Variants in CTBP2 observed in about 807,000 individuals in gnomAD.
CTBP2 encodes C-terminal-binding protein 2.
In CTBP2, 30 loss-of-function variants were observed where a neutral mutation model predicts 80.3. That is an observed-to-expected ratio of 0.37 (90% confidence interval 0.28 to 0.51). CTBP2 has a LOEUF of 0.51. Among genes scored for constraint, CTBP2 ranks in the 20% least tolerant of loss-of-function variants. The pLI, the probability that CTBP2 is intolerant of heterozygous loss-of-function variation, is 0.93. For synonymous variants in CTBP2, 594 were observed against 587.4 expected, an observed-to-expected ratio of 1.01 and a Z score of -0.16; for missense variants, 1,212 against 1,375.3, an observed-to-expected ratio of 0.88 and a Z score of 1.88.
At chr10:125,087,959 C>G (rs2135644754) in intron 2 of CTBP2, among the ~76,000 whole-genome samples, 1 of 152,326 alleles carries the variant, frequency 6.6e-6, no homozygotes, top group Non-Finnish European at 1.5e-5. Flanking sequence ...CTGGGCTCAG[C>G]AGCCTCGGGT....
chr10:125,060,768 A>AAG (rs1169022921), intron 2 of CTBP2, among the ~76,000 whole-genome samples: 1 of 152,236 alleles, frequency 6.6e-6, no homozygotes, highest in African/African-American at 2.4e-5. Context: ...GTCGAGGAAT[A>AAG]AGAAGCACAC....
At chr10:125,049,041 C>CCACACACACACACACACACACA (rs1364121384) in intron 2 of CTBP2, among the ~76,000 whole-genome samples, 4 of 112,484 alleles carry the variant, frequency 3.6e-5, no homozygotes, top group Admixed American at 9.0e-5. Context: ...GCCCGCCTGA[C>CCACACACACACACACACACACA]CACAGACACA....
At chr10:125,141,378 G>T (rs1857785083) in intron 1 of CTBP2, among the ~76,000 whole-genome samples, 1 of 152,174 alleles carries the variant, frequency 6.6e-6, no homozygotes, top group African/African-American at 2.4e-5. Context: ...AGGACTGCAA[G>T]CATGGCCATC....
intron 2 of CTBP2, among the ~76,000 whole-genome samples, chr10:125,101,819 C>A (rs1850672988): frequency 6.6e-6 from 1 of 152,178 alleles, no homozygotes; most frequent in Admixed American, 6.5e-5. Flanking sequence ...TGGCTGTGTG[C>A]ATTTACTGCT....
At chr10:125,002,844 T>C in intron 3 of CTBP2, 116 bp downstream of exon 5, 1 of 1,337,330 alleles carries the variant, frequency 7.5e-7, no homozygotes, top group Non-Finnish European at 1.0e-6. Flanking sequence ...GCCACCTTGC[T>C]ACAGCCAGAA....
intron 2 of CTBP2, among the ~76,000 whole-genome samples, chr10:125,097,373 A>C (rs947189281): frequency 1.1e-4 from 16 of 152,266 alleles, no homozygotes; most frequent in Non-Finnish European, 1.9e-4. Flanking sequence ...AGAAAGCAGC[A>C]GCACAGTCTA....
chr10:125,133,271 A>G (rs748290923), intron 1 of CTBP2, among the ~76,000 whole-genome samples: 32 of 152,158 alleles, frequency 2.1e-4, no homozygotes, highest in Non-Finnish European at 4.4e-4. Context: ...CTTCAGCATC[A>G]AGCACTGATT....
At chr10:125,063,613 G>C (rs1844172647) in intron 2 of CTBP2, among the ~76,000 whole-genome samples, 1 of 152,158 alleles carries the variant, frequency 6.6e-6, no homozygotes, top group Non-Finnish European at 1.5e-5. Context: ...TAAAATTGCT[G>C]ATTCCTACCA....
intron 2 of CTBP2, among the ~76,000 whole-genome samples, chr10:125,067,926 G>A (rs1429085135): frequency 1.3e-5 from 2 of 152,142 alleles, no homozygotes; most frequent in East Asian, 3.9e-4. Context: ...CGGGTCCGAT[G>A]TATACCCTAG....
At chr10:125,062,249 G>A (rs1455125063) in intron 2 of CTBP2, among the ~76,000 whole-genome samples, 1 of 114,718 alleles carries the variant, frequency 8.7e-6, no homozygotes, top group Non-Finnish European at 2.0e-5. Flanking sequence ...GGGGGACACA[G>A]GGGTGCTCTC....
chr10:125,027,134 T>C lies in CTBP2; in HGVS notation c.626A>G (p.Gln209Arg). ...TCTTTCGCTGATGTCGCTGAAGACC[T>C]GGCTGAGGGGGTAGGCAGGCACCTC... is the stretch of plus-strand genomic sequence containing the variant. Residue 209 changes from glutamine (Q) to arginine (R), a missense_variant, in exon 1 of 9, where the codon CAG becomes CGG. Gln to Arg is a conservative substitution (Grantham distance 43). Transcript: ENST00000309035. 6.2e-7 allele frequency: 1 copy of C among 1,604,430 alleles called. No homozygotes were observed. The highest frequency in any genetic ancestry group is 8.5e-7 in the Non-Finnish European group (1 of 1,173,264).
chr10:125,045,540 ATTCT>A (rs1462158328), intron 2 of CTBP2, among the ~76,000 whole-genome samples: 1 of 151,990 alleles, frequency 6.6e-6, no homozygotes, highest in Non-Finnish European at 1.5e-5. Flanking sequence ...TTGGAGACAG[ATTCT>A]CACTTTGTTG....
intron 2 of CTBP2, among the ~76,000 whole-genome samples, chr10:125,082,608 G>GAA (rs1847346177): frequency 1.8e-5 from 1 of 55,986 alleles, no homozygotes; most frequent in Non-Finnish European, 3.7e-5. Context: ...TTTTTTTTTT[G>GAA]AAACAGTCTT....
rs1962463693 is a variant in CTBP2 at position 125,050,513 on chromosome 10, A to G, written c.-101-11358T>C. Among the ~76,000 whole-genome samples the G allele has an allele frequency of 1.3e-5, 2 of 152,228 alleles. 1 individual carries two copies. The highest frequency in any genetic ancestry group is 2.9e-5 in the Non-Finnish European group (2 of 68,044). On this transcript the variant is annotated intron_variant, in intron 2 of 10. Coordinates refer to the CTBP2 transcript ENST00000337195. ...GTTTGGTATCCATGACTGCACCCAA[A>G]GGGAGAGCGGGCGTCTCGCAGAGTC...
intron 1 of CTBP2, among the ~76,000 whole-genome samples, chr10:125,140,820 CA>C (rs879725263): frequency 6.6e-6 from 1 of 150,988 alleles, no homozygotes; most frequent in Non-Finnish European, 1.5e-5. Flanking sequence ...GACCCTGTGT[CA>C]AAAAAACAAT....
chr10:125,094,418 C>A (rs1464893191), intron 2 of CTBP2, among the ~76,000 whole-genome samples: 1 of 152,192 alleles, frequency 6.6e-6, no homozygotes, highest in African/African-American at 2.4e-5. Flanking sequence ...GGGACGGACG[C>A]AATCGCTAGA....
In CTBP2 at chr10:125,027,263, C is replaced by T. The variant is rs1564743187; in HGVS notation, c.497G>A (p.Arg166Gln). 16 of 1,613,592 alleles carry T rather than the reference C, an allele frequency of 9.9e-6. No individual in the cohort carries two copies. Among genetic ancestry groups the T allele is most frequent in the East Asian group, 8.9e-5 (4 of 44,892 alleles). Reference sequence around the variant, plus strand: ...AGGGATCATTTTACCTCCAGGATCCCGGTACAGGTGACCGGCGTCCTGCAG... The same window carrying T: ...AGGGATCATTTTACCTCCAGGATCCTGGTACAGGTGACCGGCGTCCTGCAG... The change falls in exon 1 of 9, where the codon CGG (arginine) becomes CAG (glutamine). Residue 166 changes from arginine (R) to glutamine (Q), a missense_variant. Physicochemically the swap from Arg to Gln is conservative, Grantham distance 43. Around this residue, in one of 3 missense-constraint regions of CTBP2, gnomAD observed 848 missense variants for 782.3 expected, o/e 1.08. Transcript: ENST00000309035.
chr10:125,065,259 G>C (rs965938671), intron 2 of CTBP2, among the ~76,000 whole-genome samples: 13 of 152,122 alleles, frequency 8.5e-5, no homozygotes, highest in African/African-American at 1.2e-4. Context: ...TTGCAACTGG[G>C]GCACTCTGCT....
chr10:125,155,404 T>A (rs552663031), intron 1 of CTBP2, among the ~76,000 whole-genome samples: 4 of 129,930 alleles, frequency 3.1e-5, no homozygotes, highest in Admixed American at 7.4e-5. Flanking sequence ...GAATCCCCCC[T>A]TTTTTTTTTT....
Sources: gnomAD v4.1 joint callset for allele counts (sites outside exome capture counted in the v4.1 genomes callset) on GRCh38, gnomAD v4.1.1 for gene constraint, gnomAD v4.1.1 regional missense constraint, MANE v1.5 for transcripts, NCBI Gene and HGNC (gene_info 2026-07-23, HGNC 2026-07-21) for gene names.